The following ATP8B1 variants were observed in gnomAD, a reference collection of about 807,000 sequenced individuals.
The protein encoded by ATP8B1 is ATPase phospholipid transporting 8B1.
A neutral mutation model predicts 149.9 loss-of-function variants in ATP8B1; 80 were observed. The observed-to-expected ratio is 0.53, with a 90% confidence interval of 0.45 to 0.64. ATP8B1 has a LOEUF of 0.64. Among genes scored for constraint, ATP8B1 ranks in the 30% least tolerant of loss-of-function variants. ATP8B1 has a pLI of 0.00. For synonymous variants in ATP8B1, 536 were observed against 562.8 expected (o/e 0.95, Z 0.67); for missense variants, 1,247 against 1,552.6 (o/e 0.80, Z 3.31).
rs746969851 is a variant in ATP8B1, at chr18:57,662,577, C to G, written c.2324G>C (p.Arg775Thr). The change falls in exon 21 of 28, where the codon AGA (arginine) becomes ACA (threonine). Residue 775 changes from arginine (R) to threonine (T), a missense_variant. Arg to Thr is a moderately conservative substitution (Grantham distance 71). This residue lies in a region of ATP8B1 where 853 missense variants were observed against 1,035.7 expected (regional missense o/e 0.82). Coordinates refer to ENST00000648908, the MANE Select transcript of ATP8B1 (RefSeq NM_001374385.1). The part of the protein sequence containing the change: ...LHARMENQRN[R>T]GGVYAKFAPP... ...TGCAAACTTTGCGTAGACGCCACCT[C>G]TATTCCTCTGGTTTTCCATCCTTGC... The G allele has an allele frequency of 1.1e-5, 17 of 1,614,026 alleles. No homozygotes were observed. Among genetic ancestry groups the G allele is most frequent in the Admixed American group, 3.3e-5 (2 of 59,990 alleles).
intron 8 of ATP8B1, among the ~76,000 whole-genome samples, chr18:57,697,004 T>A (rs1223659430): frequency 6.6e-6 from 1 of 152,164 alleles, no homozygotes; most frequent in Non-Finnish European, 1.5e-5. Flanking sequence ...CTCACCCCTG[T>A]AATCCCAGCA....
chr18:57,779,550 C>T (rs2080339571), intron 1 of ATP8B1, among the ~76,000 whole-genome samples: 1 of 152,176 alleles, frequency 6.6e-6, no homozygotes, highest in African/African-American at 2.4e-5. Context: ...CAACACCGAA[C>T]ATGGTATTTC....
intron 1 of ATP8B1, among the ~76,000 whole-genome samples, chr18:57,742,677 A>G (rs779217761): frequency 6.6e-6 from 1 of 151,988 alleles, no homozygotes; most frequent in Admixed American, 6.6e-5. Flanking sequence ...ACAAATAATA[A>G]TTTAAAGAAT....
At chr18:57,706,666 C>T in intron 2 of ATP8B1, 79 bp from the exon 3 acceptor site, 1 of 1,192,828 alleles carries the variant, frequency 8.4e-7, no homozygotes. Flanking sequence ...TCCCCAGATT[C>T]AAATGTTGAA....
At position 57,684,143 on chromosome 18, in the gene ATP8B1, T is replaced by C. The variant is rs752941981; in HGVS notation, c.1523A>G (p.Tyr508Cys). The C allele has an allele frequency of 2.5e-6, 4 of 1,614,132 alleles. No individual in the cohort carries two copies. The highest frequency in any genetic ancestry group is 2.2e-5 in the East Asian group (1 of 44,874). The change falls in exon 15 of 28, where the codon TAT becomes TGT. Residue 508 changes from tyrosine (Y) to cysteine (C), a missense_variant. Coordinates refer to ENST00000648908, the MANE Select transcript of ATP8B1 (RefSeq NM_001374385.1). ...GATTTGCTCAATAAGATAGTGGTCA[T>C]AAAATGCAAGCTTCCCATCAGCATA... ...NTYADGKLAFYDHYLIEQIQS... is the reference protein window; with the variant it reads ...NTYADGKLAFCDHYLIEQIQS...
intron 1 of ATP8B1, among the ~76,000 whole-genome samples, chr18:57,733,161 C>G (rs1386857674): frequency 6.6e-6 from 1 of 152,178 alleles, no homozygotes; most frequent in African/African-American, 2.4e-5. Flanking sequence ...ACAAATACCT[C>G]AGGTTACAGA....
At chr18:57,667,856 A>G (rs1910973372) in intron 19 of ATP8B1, 2 of 209,576 alleles carry the variant, frequency 9.5e-6, no homozygotes, top group Non-Finnish European at 2.0e-5. Context: ...TGTGCTTCCC[A>G]TAACTTTGCA....
At chr18:57,791,409 G>A (rs2123452267) in intron 1 of ATP8B1, among the ~76,000 whole-genome samples, 1 of 137,734 alleles carries the variant, frequency 7.3e-6, no homozygotes, top group East Asian at 2.1e-4. Context: ...GGAGTGCAGT[G>A]GTACAATTTT....
At chr18:57,800,119 A>C (rs569159740) in intron 1 of ATP8B1, among the ~76,000 whole-genome samples, 1 of 152,342 alleles carries the variant, frequency 6.6e-6, no homozygotes, top group East Asian at 1.9e-4. Flanking sequence ...AGACTAAACT[A>C]GAACCAAGTG....
chr18:57,695,129 A>T, intron 10 of ATP8B1, 42 bp downstream of exon 10: 1 of 1,609,478 alleles, frequency 6.2e-7, no homozygotes, highest in Non-Finnish European at 8.5e-7. Context: ...TAAGTCTTTA[A>T]AGATCATAGC....
In ATP8B1 at chr18:57,784,426, G is replaced by A. The variant is rs2080387806; in HGVS notation, c.-26+18572C>T. On this transcript the variant is annotated intron_variant, in intron 1 of 27. Coordinates refer to ENST00000648908, the MANE Select transcript of ATP8B1 (RefSeq NM_001374385.1). This position sits in a 1 kb window ranked among gnomAD's most constrained non-coding sequence, Gnocchi z 4.4. ...GAGGGAGGATGACAGCTTGAACCTC[G>A]CGGATGGCAGCGGAGATAGAGGTTA... Among the ~76,000 whole-genome samples the A allele has an allele frequency of 1.3e-5, 2 of 152,250 alleles. No homozygotes were observed. The highest frequency in any genetic ancestry group is 1.9e-4 in the East Asian group (1 of 5,176).
chr18:57,669,069 A>G (rs1421149150), intron 18 of ATP8B1: 3 of 329,298 alleles, frequency 9.1e-6, no homozygotes, highest in Non-Finnish European at 1.6e-5. Context: ...TTAATAAGTG[A>G]TATACAAATT....
At chr18:57,695,029 CAAAAAA>C (rs397960134) in intron 10 of ATP8B1, 136 bp downstream of exon 10, 283 of 282,270 alleles carry the variant, frequency 1.0e-3, no homozygotes, top group Middle Eastern at 2.3e-3. Flanking sequence ...GACTCTGTCT[CAAAAAA>C]AAAAAAAAAA....
intron 15 of ATP8B1, 104 bp from the exon 16 acceptor site, chr18:57,675,126 A>G (rs977664172): frequency 9.4e-6 from 11 of 1,174,192 alleles, no homozygotes; most frequent in African/African-American, 4.6e-5. Flanking sequence ...ATGGGCTGCA[A>G]AGCCCAAAAC....
At chr18:57,742,422 A>C (rs2079923835) in intron 1 of ATP8B1, among the ~76,000 whole-genome samples, 1 of 152,200 alleles carries the variant, frequency 6.6e-6, no homozygotes, top group African/African-American at 2.4e-5. Context: ...CAACAGTATC[A>C]CTGTGGTGGG....
rs147060096 is a variant in ATP8B1 at position 57,648,561 on chromosome 18, C to T, written c.3683G>A (p.Arg1228His). 5.0e-6 allele frequency: 8 copies of T among 1,611,448 alleles called. No homozygotes were observed. Among genetic ancestry groups the T allele is most frequent in the African/African-American group, 4.0e-5 (3 of 74,998 alleles). ...GGCATCAAGCGGCGAGCGCTTCTTG[C>T]GGATGCTGCGCCCGGAGGAGATGAG... The part of the protein sequence containing the change: ...ADLISSGRSI[R>H]KKRSPLDAIV... Residue 1228 changes from arginine to histidine, a missense_variant, in exon 28 of 28, where the codon CGC becomes CAC. Transcript: ENST00000648908.
chr18:57,706,514 C>A lies in ATP8B1; in HGVS notation c.255G>T (p.Leu85Phe). 1 of 1,613,968 alleles carries A rather than the reference C, an allele frequency of 6.2e-7. No individual in the cohort carries two copies. The highest frequency in any genetic ancestry group is 2.2e-5 in the East Asian group (1 of 44,868). Residue 85 changes from leucine (L) to phenylalanine (F), a missense_variant, in exon 3 of 28, where the codon TTG (leucine) becomes TTT (phenylalanine). Physicochemically the swap from Leu to Phe is conservative, Grantham distance 22. Transcript: ENST00000648908. ...CCGCATATTTACTCTCCTTAATACA[C>A]AAGAATTTTGTGTTCATAAAGTGAG... is the stretch of plus-strand genomic sequence containing the variant. Reference protein sequence around the residue: ...EQPHFMNTKFLCIKESKYANN... With the variant: ...EQPHFMNTKFFCIKESKYANN...
Position 57,694,582 on chromosome 18 carries a change from C to T in ATP8B1, c.1029G>A (p.Thr343=), listed in dbSNP as rs765716200. 4.6e-6 allele frequency: 7 copies of T among 1,537,152 alleles called. No homozygotes were observed. Among genetic ancestry groups the T allele is most frequent in the South Asian group, 1.1e-5 (1 of 89,310 alleles). ...IDYLMNYMVY[T]IFVVLILLSA... is the part of the protein sequence containing the mutation. Reference sequence around the variant, plus strand: ...ATCTACTGAGATGAAAAATAAATACCGTGTAAACCATGTAGTTCATCAAGT... The same window carrying T: ...ATCTACTGAGATGAAAAATAAATACTGTGTAAACCATGTAGTTCATCAAGT... The change falls in exon 11 of 28, where the codon ACG becomes ACA. Residue 343 remains threonine (T), a splice_region_variant and synonymous_variant. Coordinates refer to ENST00000648908, the MANE Select transcript of ATP8B1 (RefSeq NM_001374385.1).
At chr18:57,667,779 C>G (rs768459563) in intron 19 of ATP8B1, 6 of 187,544 alleles carry the variant, frequency 3.2e-5, no homozygotes, top group South Asian at 1.8e-4. Context: ...TTTCCACCAA[C>G]CCTTACGTGA....
Sources: allele counts gnomAD v4.1 joint callset (sites outside exome capture counted in the v4.1 genomes callset), GRCh38; gene constraint gnomAD v4.1.1; regional missense constraint gnomAD v4.1.1; non-coding constraint Gnocchi (gnomAD v3.1); transcripts MANE v1.5; gene names NCBI Gene and HGNC (gene_info 2026-07-23, HGNC 2026-07-21).